The following ACSBG1 variants were observed in gnomAD, a reference collection of about 807,000 sequenced individuals.
ACSBG1 encodes the protein acyl-CoA synthetase bubblegum family member 1.
A neutral mutation model predicts 80.2 loss-of-function variants in ACSBG1; 39 were observed. That is an observed-to-expected ratio of 0.49 (90% CI 0.38 to 0.64). ACSBG1 has a LOEUF of 0.64. Ranked by LOEUF, ACSBG1 falls within the 30% of genes least tolerant of loss-of-function variation. The pLI is 0.00. For missense variants in ACSBG1, 828 were observed against 966.4 expected (o/e 0.86, Z 1.90); for synonymous variants, 392 against 379.5 (o/e 1.03, Z -0.38).
At chr15:78,202,496 A>ACCACT (rs1459771648) in intron 2 of ACSBG1, among the ~76,000 whole-genome samples, 2 of 152,170 alleles carry the variant, frequency 1.3e-5, no homozygotes, top group Non-Finnish European at 2.9e-5. Flanking sequence ...GGCGTGAGCC[A>ACCACT]CCACTCCCGG....
Position 78,180,735 on chromosome 15 carries a change from C to T in ACSBG1, c.1253+20G>A, listed in dbSNP as rs373127133. 19 of 1,608,532 alleles carry T rather than the reference C, an allele frequency of 1.2e-5. No homozygotes were observed. The highest frequency in any genetic ancestry group is 1.7e-5 in the Admixed American group (1 of 59,742). On this transcript the variant is annotated intron_variant, in intron 9 of 13. Coordinates refer to ENST00000258873, the MANE Select transcript of ACSBG1 (RefSeq NM_015162.5). ...CAGCCCACTCTCTCCCCAGGCCTCC[C>T]GCCCGTGGGCCCTCTGTACCTGCCG...
chr15:78,232,952 A>G (rs1407496588), intron 1 of ACSBG1, among the ~76,000 whole-genome samples: 2 of 152,164 alleles, frequency 1.3e-5, no homozygotes, highest in Non-Finnish European at 2.9e-5. Context: ...AAGTGCTGGG[A>G]TTACAGGCAT....
intron 5 of ACSBG1, among the ~76,000 whole-genome samples, chr15:78,184,302 C>T (rs2074977799): frequency 6.6e-6 from 1 of 152,030 alleles, no homozygotes; most frequent in Non-Finnish European, 1.5e-5. Flanking sequence ...TCCCGAGTAG[C>T]TGGGACTACA....
At chr15:78,224,508 A>G (rs925327229) in intron 1 of ACSBG1, among the ~76,000 whole-genome samples, 4 of 152,128 alleles carry the variant, frequency 2.6e-5, no homozygotes, top group Non-Finnish European at 5.9e-5. Flanking sequence ...TCACAAGATC[A>G]GGAGATCGAG....
chr15:78,193,892 C>T, intron 4 of ACSBG1, 40 bp downstream of exon 4: 1 of 1,607,730 alleles, frequency 6.2e-7, no homozygotes, highest in Non-Finnish European at 8.5e-7. Context: ...CTGCCCACTG[C>T]CAACCCCCTG....
rs1283188165 is a variant in ACSBG1 at position 78,181,109 on chromosome 15, T to G, written c.1072-173A>C. The G allele has an allele frequency of 6.6e-6, 5 of 753,544 alleles. No individual in the cohort carries two copies. In the African/African-American group the frequency reaches 8.8e-5, roughly 13 times the overall value. The allele number at this position is 753,544 out of a possible 1,614,324, so 46.7% of individuals were successfully genotyped here. On this transcript the variant is annotated intron_variant, in intron 8 of 13. Coordinates refer to ENST00000258873, the MANE Select transcript of ACSBG1 (RefSeq NM_015162.5). ...CCTCAATGGCTGTCGCCTTGCTTTTTGCTCACAGAACCCTGGTGGCAGGCA... is the reference window on the plus strand; with the variant it reads ...CCTCAATGGCTGTCGCCTTGCTTTTGGCTCACAGAACCCTGGTGGCAGGCA...
chr15:78,208,316 A>G (rs1420186117), intron 1 of ACSBG1, among the ~76,000 whole-genome samples: 1 of 152,084 alleles, frequency 6.6e-6, no homozygotes, highest in East Asian at 1.9e-4. Flanking sequence ...GCCCCCACCC[A>G]GCCTCCCTCC....
chr15:78,173,083 C>A (rs924652589), intron 13 of ACSBG1, among the ~76,000 whole-genome samples: 1 of 152,190 alleles, frequency 6.6e-6, no homozygotes, highest in Non-Finnish European at 1.5e-5. Flanking sequence ...CAGTGGCTCA[C>A]GCCTGTAATC....
chr15:78,230,750 A>T (rs1595909333), intron 1 of ACSBG1, among the ~76,000 whole-genome samples: 2 of 152,292 alleles, frequency 1.3e-5, no homozygotes, highest in South Asian at 4.1e-4. Context: ...GCCATGTGAG[A>T]TGTGCCTTTC....
chr15:78,191,788 CG>C (rs1323702329), intron 5 of ACSBG1, among the ~76,000 whole-genome samples: 1 of 152,076 alleles, frequency 6.6e-6, no homozygotes, highest in Non-Finnish European at 1.5e-5. Context: ...CCTCTTGAGG[CG>C]GTGCATTATG....
chr15:78,234,238 TCCTTC>T lies in ACSBG1; in HGVS notation c.131+128_131+132del, dbSNP rs1242966064. 9.2e-6 allele frequency: 12 copies of T among 1,299,906 alleles called. No individual in the cohort carries two copies. The South Asian group carries it at 1.3e-4, about 14-fold the overall frequency. 80.5% of individuals were successfully genotyped at this position (1,299,906 alleles called of 1,614,324 possible). On this transcript the variant is annotated intron_variant, in intron 1 of 13. Transcript: ENST00000258873. Reference sequence around the variant, plus strand: ...TCTTCCATCTTACGGATCGCCCAGATCCTTCCCTTCATTTCCCAGGTGAAGAAACT... The same window carrying T: ...TCTTCCATCTTACGGATCGCCCAGATCCTTCATTTCCCAGGTGAAGAAACT...
Position 78,180,539 on chromosome 15 carries a change from C to T in ACSBG1, c.1253+216G>A, listed in dbSNP as rs372887842. Among the ~76,000 whole-genome samples, 8 of 152,272 alleles carry T rather than the reference C, an allele frequency of 5.3e-5. No individual in the cohort carries two copies. In the East Asian group the frequency reaches 1.5e-3, roughly 29 times the overall value. Reference sequence around the variant, plus strand: ...TTCAGAGAAAGCAAGTTACTCCTCCCAGTCAGAATCCAAAGGTGGAGCGAC... The same window carrying T: ...TTCAGAGAAAGCAAGTTACTCCTCCTAGTCAGAATCCAAAGGTGGAGCGAC... On this transcript the variant is annotated intron_variant, in intron 9 of 13. Transcript: ENST00000258873.
chr15:78,183,390 A>G (rs1312751750), intron 5 of ACSBG1, among the ~76,000 whole-genome samples: 1 of 151,910 alleles, frequency 6.6e-6, no homozygotes, highest in East Asian at 1.9e-4. Flanking sequence ...CAGCCTGGTC[A>G]ACATGGTGAA....
Position 78,171,461 on chromosome 15 carries a change from G to T in ACSBG1, c.2158C>A (p.Gln720Lys). 1.9e-6 allele frequency: 3 copies of T among 1,613,812 alleles called. No individual in the cohort carries two copies. In the South Asian group the frequency reaches 3.3e-5, roughly 18 times the overall value. Residue 720 changes from glutamine to lysine, a missense_variant, in exon 14 of 14, where the codon CAA becomes AAA. Transcript: ENST00000258873. ...GGCCCTGATTACATTTTTTGCTCTT[G>T]GTAAAAGGAGTCAATGATACCTTTG... ...KYKGIIDSFYQEQKM is the reference protein window; with the variant it reads ...KYKGIIDSFYKEQKM
At chr15:78,221,628 G>A (rs768606478) in intron 1 of ACSBG1, among the ~76,000 whole-genome samples, 1 of 152,044 alleles carries the variant, frequency 6.6e-6, no homozygotes, top group Non-Finnish European at 1.5e-5. Flanking sequence ...TACAGGTGTC[G>A]GGCTGGGGGA....
chr15:78,218,090 C>A (rs979906497), intron 1 of ACSBG1, among the ~76,000 whole-genome samples: 6 of 152,234 alleles, frequency 3.9e-5, no homozygotes, highest in African/African-American at 1.4e-4. Flanking sequence ...GTACCGCAAG[C>A]GTGACTTTAG....
At chr15:78,182,209 G>A in intron 7 of ACSBG1, 64 bp from the exon 8 acceptor site, 1 of 1,563,916 alleles carries the variant, frequency 6.4e-7, no homozygotes, top group Admixed American at 1.8e-5. Context: ...GCTCACAACT[G>A]TGGCCACCCT....
At chr15:78,200,747 G>C (rs1368095199) in intron 2 of ACSBG1, among the ~76,000 whole-genome samples, 4 of 152,144 alleles carry the variant, frequency 2.6e-5, no homozygotes, top group African/African-American at 9.7e-5. Context: ...GGTGACCTTG[G>C]GCAGCCATGA....
Position 78,181,968 on chromosome 15 carries a change from C to G in ACSBG1, c.1071+1G>C. ...CGGACACACGGTAAAGGCAGACTGA[C>G]CTTCAGGGCGTCGGGTTCGGCAAAG... On this transcript the variant is annotated splice_donor_variant, in intron 8 of 13. Coordinates refer to ENST00000258873, the MANE Select transcript of ACSBG1 (RefSeq NM_015162.5). LOFTEE classifies it high-confidence loss of function. The G allele has an allele frequency of 6.2e-7, 1 of 1,613,318 alleles. No individual in the cohort carries two copies. Among genetic ancestry groups the G allele is most frequent in the Non-Finnish European group, 8.5e-7 (1 of 1,179,594 alleles).
Sources: gnomAD v4.1 joint callset for allele counts (sites outside exome capture counted in the v4.1 genomes callset) on GRCh38, gnomAD v4.1.1 for gene constraint, MANE v1.5 for transcripts, NCBI Gene and HGNC (gene_info 2026-07-23, HGNC 2026-07-21) for gene names.